Variants in GRM7 observed in about 807,000 individuals in gnomAD.
GRM7 encodes the protein glutamate metabotropic receptor 7, also known as metabotropic glutamate receptor 7.
In GRM7, 35 loss-of-function variants were observed where a neutral mutation model predicts 84.5. The observed-to-expected ratio is 0.41, with a 90% CI of 0.32 to 0.55. The LOEUF is 0.55. Among genes scored for constraint, GRM7 ranks in the 20% least tolerant of loss-of-function variants. The pLI is 0.19. For synonymous variants in GRM7, 487 were observed against 455.1 expected (o/e 1.07, Z -0.89); for missense variants, 1,003 against 1,194.6 (o/e 0.84, Z 2.36).
At chr3:7,673,730 T>G (rs1453990488) in intron 8 of GRM7, among the ~76,000 whole-genome samples, 1 of 152,148 alleles carries the variant, frequency 6.6e-6, no homozygotes, top group Non-Finnish European at 1.5e-5. Flanking sequence ...AGGCAGATGC[T>G]GGAATCATGG....
chr3:6,986,241 A>T (rs924837639), intron 1 of GRM7, among the ~76,000 whole-genome samples: 4 of 152,172 alleles, frequency 2.6e-5, no homozygotes, highest in African/African-American at 9.7e-5. Flanking sequence ...AAAAACACAA[A>T]CGGACACAAG....
rs564662285 is a variant in GRM7, at chr3:7,077,301, T to C, written c.520-69151T>C. Among the ~76,000 whole-genome samples, 4 of 152,288 alleles carry C rather than the reference T, an allele frequency of 2.6e-5. No homozygotes were observed. The South Asian group carries it at 6.2e-4, about 24-fold the overall frequency. On this transcript the variant is annotated intron_variant, in intron 1 of 9. Transcript: ENST00000357716. ...ATGTTTATTGCAGCACTGTTCACAATAGCAAAGGCTTGGAACCAGCCCAAA... is the reference window on the plus strand; with the variant it reads ...ATGTTTATTGCAGCACTGTTCACAACAGCAAAGGCTTGGAACCAGCCCAAA...
chr3:6,989,941 G>A (rs1383141055), intron 1 of GRM7, among the ~76,000 whole-genome samples: 2 of 152,262 alleles, frequency 1.3e-5, no homozygotes, highest in Non-Finnish European at 2.9e-5. Context: ...AATGTGAACA[G>A]CTGTTGCTTC....
rs535149513 is a variant in GRM7 at position 7,090,212 on chromosome 3, T to C, written c.520-56240T>C. Among the ~76,000 whole-genome samples, 4 of 152,154 alleles carry C rather than the reference T, an allele frequency of 2.6e-5. No homozygotes were observed. In the South Asian group the frequency reaches 8.3e-4, roughly 32 times the overall value. The stretch of plus-strand genomic sequence containing the variant: ...AAAACATTTTAAAAAGGAATAAGCA[T>C]GTGGTAAGTAGAATTTGAGAACAGT... On this transcript the variant is annotated intron_variant, in intron 1 of 9. Coordinates refer to ENST00000357716, the MANE Select transcript of GRM7 (RefSeq NM_000844.4).
chr3:7,542,722 AT>A (rs1188592580), intron 7 of GRM7, among the ~76,000 whole-genome samples: 1 of 151,732 alleles, frequency 6.6e-6, no homozygotes, highest in East Asian at 1.9e-4. Flanking sequence ...CAATTTTTGT[AT>A]TTTTAGTAGA....
chr3:7,020,690 A>C (rs113261388), intron 1 of GRM7, among the ~76,000 whole-genome samples: 4,966 of 152,292 alleles, frequency 0.033, 273 homozygotes, highest in African/African-American at 0.11. Context: ...CAACACTATA[A>C]ATATCATCCT....
chr3:7,735,013 G>A (rs896092009), intron 9 of GRM7, among the ~76,000 whole-genome samples: 41 of 151,820 alleles, frequency 2.7e-4, no homozygotes, highest in African/African-American at 9.7e-4. Context: ...GAAATGAACA[G>A]GCAGGAAACA....
intron 1 of GRM7, among the ~76,000 whole-genome samples, chr3:7,042,457 T>A (rs1013300834): frequency 6.6e-6 from 1 of 152,208 alleles, no homozygotes; most frequent in Admixed American, 6.6e-5. Context: ...ACTCTTAGCT[T>A]TATAAGAAAC....
chr3:6,940,387 G>A (rs1697848681), intron 1 of GRM7, among the ~76,000 whole-genome samples: 2 of 152,136 alleles, frequency 1.3e-5, no homozygotes, highest in African/African-American at 4.8e-5. Flanking sequence ...ACTGCGCCCG[G>A]CCCGTTTTTA....
chr3:7,671,366 G>A (rs761998073), intron 8 of GRM7, among the ~76,000 whole-genome samples: 2 of 152,072 alleles, frequency 1.3e-5, no homozygotes, highest in African/African-American at 2.4e-5. Context: ...TTTGGGAATA[G>A]ACACTGCATC....
At chr3:6,897,640 G>A (rs746585202) in intron 1 of GRM7, among the ~76,000 whole-genome samples, 15 of 152,130 alleles carry the variant, frequency 9.9e-5, no homozygotes, top group Admixed American at 2.6e-4. Context: ...CATTATCATC[G>A]TTCAGAATGT....
intron 1 of GRM7, among the ~76,000 whole-genome samples, chr3:6,944,389 G>A: frequency 6.6e-6 from 1 of 152,058 alleles, no homozygotes; most frequent in East Asian, 1.9e-4. Flanking sequence ...TATCAGGAAT[G>A]GATGTTGGTT....
chr3:6,950,469 G>A (rs571235834), intron 1 of GRM7, among the ~76,000 whole-genome samples: 1 of 152,204 alleles, frequency 6.6e-6, no homozygotes, highest in Non-Finnish European at 1.5e-5. Context: ...CGCCCCTACT[G>A]GGGGGTGCCT....
intron 2 of GRM7, among the ~76,000 whole-genome samples, chr3:7,195,279 A>G (rs1695841846): frequency 6.6e-6 from 1 of 152,160 alleles, no homozygotes; most frequent in South Asian, 2.1e-4. Flanking sequence ...ATGCTTCAGT[A>G]AGCCAGCAAG....
At chr3:7,107,942 T>C (rs1478766399) in intron 1 of GRM7, among the ~76,000 whole-genome samples, 1 of 152,052 alleles carries the variant, frequency 6.6e-6, no homozygotes, top group African/African-American at 2.4e-5. Context: ...GGCAGATGTT[T>C]GAGCATTCAT....
intron 4 of GRM7, among the ~76,000 whole-genome samples, chr3:7,412,870 C>T (rs1302949493): frequency 1.3e-5 from 2 of 151,996 alleles, no homozygotes; most frequent in Non-Finnish European, 2.9e-5. Flanking sequence ...GGCCTTGGTG[C>T]CTTGGTTTAT....
intron 1 of GRM7, among the ~76,000 whole-genome samples, chr3:6,964,863 G>T (rs577994688): frequency 6.6e-6 from 1 of 152,272 alleles, no homozygotes; most frequent in East Asian, 1.9e-4. Context: ...CCTGTCTTCT[G>T]TGTTCAATAT....
intron 8 of GRM7, among the ~76,000 whole-genome samples, chr3:7,600,469 C>T (rs1030219334): frequency 1.2e-4 from 18 of 152,054 alleles, no homozygotes; most frequent in Admixed American, 2.0e-4. Context: ...TGGTAAGCAA[C>T]ACAAATGACC....
At chr3:7,413,168 C>T (rs76332800) in intron 4 of GRM7, among the ~76,000 whole-genome samples, 130 of 152,248 alleles carry the variant, frequency 8.5e-4, no homozygotes, top group Non-Finnish European at 1.5e-3. Flanking sequence ...CCAAGAGTGA[C>T]GGCTTGATGA....
Sources: gnomAD v4.1 joint callset for allele counts (sites outside exome capture counted in the v4.1 genomes callset) on GRCh38, gnomAD v4.1.1 for gene constraint, MANE v1.5 for transcripts, NCBI Gene and HGNC (gene_info 2026-07-23, HGNC 2026-07-21) for gene names.